HSPA4L: variants seen among roughly 807,000 people sequenced by gnomAD.
The protein encoded by HSPA4L is heat shock 70 kDa protein 4L.
A neutral mutation model predicts 100.3 loss-of-function variants in HSPA4L; 48 were observed. That is an observed-to-expected ratio of 0.48 (90% CI 0.38 to 0.61). The LOEUF (loss-of-function observed/expected upper bound fraction) is 0.61. Among genes scored for constraint, HSPA4L ranks in the 20% least tolerant of loss-of-function variants. The pLI, the probability that HSPA4L is intolerant of heterozygous loss-of-function variation, is 0.00. For synonymous variants in HSPA4L, 319 were observed against 328.2 expected (o/e 0.97, Z 0.30); for missense variants, 886 against 988.6 (o/e 0.90, Z 1.39).
chr4:127,830,656 C>T lies in HSPA4L; in HGVS notation c.2185C>T (p.Leu729=), dbSNP rs1247602860. The T allele has an allele frequency of 3.8e-6, 6 of 1,591,136 alleles. No homozygotes were observed. Among genetic ancestry groups the T allele is most frequent in the South Asian group, 1.2e-5 (1 of 86,114 alleles). ...YRNKDERYDH[L]DPTEMEKVEK... is the part of the protein sequence containing the mutation. ...TAAATAGGATGAAAGATATGATCAT[C>T]TGGATCCTACTGAAATGGAAAAGGT... The change falls in exon 18 of 19, where the codon CTG becomes TTG. Residue 729 remains leucine (L), a synonymous_variant. Coordinates refer to ENST00000296464, the MANE Select transcript of HSPA4L (RefSeq NM_014278.4).
At position 127,820,453 on chromosome 4, in the gene HSPA4L, G is replaced by A. The variant is rs773931086; in HGVS notation, c.1700G>A (p.Arg567Gln). The stretch of plus-strand genomic sequence containing the variant: ...TCAGCTGTCTCAGACAAACAAGACC[G>A]ATTAAATCAGACACTTAAAAAAGGA... Reference protein sequence around the residue: ...TKSAVSDKQDRLNQTLKKGKV... With the variant: ...TKSAVSDKQDQLNQTLKKGKV... The change falls in exon 14 of 19, where the codon CGA becomes CAA. Residue 567 changes from arginine (R) to glutamine (Q), a missense_variant. Physicochemically the swap from Arg to Gln is conservative, Grantham distance 43 (BLOSUM62 1). Transcript: ENST00000296464. The A allele has an allele frequency of 6.9e-6, 11 of 1,601,574 alleles. No individual in the cohort carries two copies. Among genetic ancestry groups the A allele is most frequent in the East Asian group, 2.3e-5 (1 of 44,180 alleles).
chr4:127,795,189 TAATC>T (rs768629887), intron 2 of HSPA4L, among the ~76,000 whole-genome samples: 4 of 151,954 alleles, frequency 2.6e-5, no homozygotes, highest in Non-Finnish European at 5.9e-5. Flanking sequence ...TGGAAATAAA[TAATC>T]AAAGATACAG....
At chr4:127,802,697 C>G (rs1335357384) in intron 6 of HSPA4L, among the ~76,000 whole-genome samples, 3 of 152,126 alleles carry the variant, frequency 2.0e-5, no homozygotes, top group Non-Finnish European at 4.4e-5. Context: ...CTGATCAAGG[C>G]TATAGCCCTT....
upstream of HSPA4L, chr4:127,781,813 G>A: frequency 4.1e-6 from 1 of 243,240 alleles, no homozygotes; most frequent in Non-Finnish European, 8.5e-6. Flanking sequence ...GAGGGCGCCG[G>A]GCTGCACATG....
intron 6 of HSPA4L, among the ~76,000 whole-genome samples, chr4:127,802,835 G>A (rs754943769): frequency 3.3e-5 from 5 of 152,052 alleles, no homozygotes; most frequent in Non-Finnish European, 5.9e-5. Context: ...GACATTCCAC[G>A]CAGATTGTAC....
At position 127,815,934 on chromosome 4, in the gene HSPA4L, G is replaced by A. The variant is rs77943723; in HGVS notation, c.1579-2391G>A. On this transcript the variant is annotated intron_variant, in intron 12 of 18. Coordinates refer to ENST00000296464, the MANE Select transcript of HSPA4L (RefSeq NM_014278.4). ...AAGGAGTAGATAGGTAGTTGTCCAGGCAGAGTGAATAACAAATAGAAAGGC... is the reference window on the plus strand; with the variant it reads ...AAGGAGTAGATAGGTAGTTGTCCAGACAGAGTGAATAACAAATAGAAAGGC... Among the ~76,000 whole-genome samples the A allele has an allele frequency of 8.0e-3, 1,217 of 152,260 alleles. 18 individuals carry two copies. The highest frequency in any genetic ancestry group is 0.028 in the African/African-American group (1,144 of 41,546).
intron 5 of HSPA4L, 131 bp from the exon 6 acceptor site, chr4:127,801,651 GAAA>G: frequency 1.5e-6 from 1 of 658,260 alleles, no homozygotes; most frequent in Non-Finnish European, 2.3e-6. Context: ...ACCGAATTGT[GAAA>G]AGTTCATTTA....
chr4:127,786,900 T>A (rs1232256862), intron 1 of HSPA4L, among the ~76,000 whole-genome samples: 3 of 152,208 alleles, frequency 2.0e-5, no homozygotes, highest in Non-Finnish European at 4.4e-5. Context: ...AAACTACTAT[T>A]AATAATGGAT....
intron 1 of HSPA4L, among the ~76,000 whole-genome samples, chr4:127,789,025 A>C (rs1167476569): frequency 6.6e-6 from 1 of 152,244 alleles, no homozygotes; most frequent in African/African-American, 2.4e-5. Flanking sequence ...TTAATGGAGA[A>C]TAATAGGGAG....
At chr4:127,822,665 G>T (rs1733842356) in intron 14 of HSPA4L, 104 bp from the exon 15 acceptor site, 1 of 1,062,734 alleles carries the variant, frequency 9.4e-7, no homozygotes, top group South Asian at 1.7e-5. Flanking sequence ...CTTATTTTTT[G>T]TATTGTAATC....
rs1428708291 is a variant in HSPA4L, at chr4:127,835,352, C to T, written c.*2478C>T. On this transcript the variant is annotated 3_prime_UTR_variant, in exon 19 of 19. Transcript: ENST00000296464. ...ATAGTTGTACTGTGATTATAAAAAA[C>T]AATTGTTAAATAATATAATGGAAGT... 25 of 152,088 alleles carry T rather than the reference C, an allele frequency of 1.6e-4. 1 individual carries two copies. The highest frequency in any genetic ancestry group is 1.6e-3 in the Admixed American group (25 of 15,270). 9.4% of individuals were successfully genotyped at this position (152,088 alleles called of 1,614,324 possible).
rs1434448804 is a variant in HSPA4L, at chr4:127,813,098, T to C, written c.1578+1462T>C. Reference sequence around the variant, plus strand: ...TTGATGTCTACAATATCACCTTTCTTATAGATTCGCATATACGTGGCCAAA... The same window carrying C: ...TTGATGTCTACAATATCACCTTTCTCATAGATTCGCATATACGTGGCCAAA... On this transcript the variant is annotated intron_variant, in intron 12 of 18. Coordinates refer to ENST00000296464, the MANE Select transcript of HSPA4L (RefSeq NM_014278.4). The C allele has an allele frequency of 5.5e-6, 7 of 1,262,802 alleles. No homozygotes were observed. In the Admixed American group the frequency reaches 8.4e-5, roughly 15 times the overall value. 78.2% of individuals were successfully genotyped at this position (1,262,802 alleles called of 1,614,324 possible). A position where few individuals can be genotyped will look rare whatever the true frequency, so the allele number is the denominator to read the frequency against.
chr4:127,786,548 C>T (rs566631474), intron 1 of HSPA4L, among the ~76,000 whole-genome samples: 1 of 152,204 alleles, frequency 6.6e-6, no homozygotes, highest in Non-Finnish European at 1.5e-5. Context: ...TCACTGCAGC[C>T]TTGAGTTCCT....
In HSPA4L at chr4:127,803,771, A is replaced by T. The variant is rs767970363; in HGVS notation, c.806A>T (p.Glu269Val). 1.2e-6 allele frequency: 2 copies of T among 1,614,010 alleles called. No homozygotes were observed. Among genetic ancestry groups the T allele is most frequent in the Non-Finnish European group, 1.7e-6 (2 of 1,179,954 alleles). The change falls in exon 7 of 19, where the codon GAA becomes GTA. Residue 269 changes from glutamate (E) to valine (V), a missense_variant. Transcript: ENST00000296464. Reference sequence around the variant, plus strand: ...CGGGCCTTGTTGCGTTTATATCAGGAATGTGAAAAACTAAAGAAGCTAATG... The same window carrying T: ...CGGGCCTTGTTGCGTTTATATCAGGTATGTGAAAAACTAAAGAAGCTAATG... ...NSRALLRLYQ[E>V]CEKLKKLMSA...
chr4:127,782,504 C>A lies in HSPA4L; in HGVS notation c.-47C>A. 6.8e-7 allele frequency: 1 copy of A among 1,480,922 alleles called. No homozygotes were observed. The highest frequency in any genetic ancestry group is 9.4e-7 in the Non-Finnish European group (1 of 1,059,536). 91.7% of individuals were successfully genotyped at this position (1,480,922 alleles called of 1,614,324 possible). A position where few individuals can be genotyped will look rare whatever the true frequency, so the allele number is the denominator to read the frequency against. On this transcript the variant is annotated 5_prime_UTR_variant, in exon 1 of 19. Transcript: ENST00000296464. ...AATAGCCCAGAAGAGGACACGGTTCCCGTACCGAAGGGTTCAGTACCAGCA... is the reference window on the plus strand; with the variant it reads ...AATAGCCCAGAAGAGGACACGGTTCACGTACCGAAGGGTTCAGTACCAGCA...
chr4:127,813,699 G>T (rs1405881545), intron 12 of HSPA4L, among the ~76,000 whole-genome samples: 1 of 152,302 alleles, frequency 6.6e-6, no homozygotes, highest in East Asian at 1.9e-4. Flanking sequence ...CTGGAGTGCA[G>T]TGGCACAATC....
chr4:127,798,898 T>C (rs981524031), intron 4 of HSPA4L, among the ~76,000 whole-genome samples, 189 bp downstream of exon 4: 3 of 152,202 alleles, frequency 2.0e-5, no homozygotes, highest in Non-Finnish European at 4.4e-5. Context: ...ATAAAATCAA[T>C]TATGATGAGC....
At chr4:127,796,931 G>A (rs188254410) in intron 3 of HSPA4L, among the ~76,000 whole-genome samples, 9 of 152,296 alleles carry the variant, frequency 5.9e-5, no homozygotes, top group Non-Finnish European at 1.2e-4. Flanking sequence ...GTACACTTCA[G>A]AAGGATAAAC....
Position 127,809,405 on chromosome 4 carries a change from A to G in HSPA4L, c.1378+1276A>G, listed in dbSNP as rs1281223791. The G allele has an allele frequency of 4.8e-6, 6 of 1,238,824 alleles. No homozygotes were observed. In the Admixed American group the frequency reaches 5.1e-5, roughly 10 times the overall value. 76.7% of individuals were successfully genotyped at this position (1,238,824 alleles called of 1,614,324 possible). ...AGCATGCTCATGCACATTCATTTGGATACTTCATAACTCAAGACTCTGCAT... is the reference window on the plus strand; with the variant it reads ...AGCATGCTCATGCACATTCATTTGGGTACTTCATAACTCAAGACTCTGCAT... On this transcript the variant is annotated intron_variant, in intron 11 of 18. Transcript: ENST00000296464.
Sources: allele counts gnomAD v4.1 joint callset (sites outside exome capture counted in the v4.1 genomes callset), GRCh38; gene constraint gnomAD v4.1.1; transcripts MANE v1.5; gene names NCBI Gene and HGNC (gene_info 2026-07-23, HGNC 2026-07-21).